The following ZBTB20 variants were observed in gnomAD, a reference collection of about 807,000 sequenced individuals.
ZBTB20 encodes zinc finger and BTB domain-containing protein 20.
A neutral mutation model predicts 56.9 loss-of-function variants in ZBTB20; 9 were observed. The ratio of observed to expected loss-of-function variants is 0.16; its 90% CI spans 0.10 to 0.28. The LOEUF (loss-of-function observed/expected upper bound fraction) is 0.28, where lower values mean the gene tolerates loss of function less well. ZBTB20 is among the 10% of genes least tolerant of loss of function. The pLI is 1.00. For missense variants in ZBTB20, 655 were observed against 1,003.0 expected (o/e 0.65, Z 4.69); for synonymous variants, 417 against 420.7 (o/e 0.99, Z 0.11).
intron 6 of ZBTB20, among the ~76,000 whole-genome samples, chr3:114,525,207 G>A (rs1461022386): frequency 6.6e-6 from 1 of 151,950 alleles, no homozygotes; most frequent in Non-Finnish European, 1.5e-5. Flanking sequence ...AATTTCATAA[G>A]GGGAAAAGTT....
At chr3:114,898,824 G>A (rs779008544) in intron 4 of ZBTB20, among the ~76,000 whole-genome samples, 2 of 152,012 alleles carry the variant, frequency 1.3e-5, no homozygotes, top group African/African-American at 4.8e-5. Flanking sequence ...AAATACCGAC[G>A]GAAACTCCTC....
chr3:114,843,385 T>C (rs1181584245), intron 4 of ZBTB20, among the ~76,000 whole-genome samples: 2 of 152,158 alleles, frequency 1.3e-5, no homozygotes, highest in Non-Finnish European at 2.9e-5. Flanking sequence ...GGACTCTAAG[T>C]TATATTATCT....
At chr3:114,852,395 C>T (rs529166400) in intron 4 of ZBTB20, among the ~76,000 whole-genome samples, 10 of 152,000 alleles carry the variant, frequency 6.6e-5, no homozygotes, top group Non-Finnish European at 1.5e-5. Context: ...TACCGAGTGG[C>T]TGGGATTACA....
intron 8 of ZBTB20, among the ~76,000 whole-genome samples, chr3:114,381,453 A>T (rs2084335057): frequency 6.6e-6 from 1 of 152,246 alleles, no homozygotes; most frequent in African/African-American, 2.4e-5. Context: ...TACTTAGCTT[A>T]TACTACACAG....
chr3:114,997,773 G>T (rs778806789), intron 2 of ZBTB20, among the ~76,000 whole-genome samples: 3 of 151,720 alleles, frequency 2.0e-5, no homozygotes, highest in African/African-American at 7.2e-5. Context: ...TTCATGAAAA[G>T]AGGATACCAC....
chr3:115,048,504 CATA>C (rs1342343872), intron 2 of ZBTB20, among the ~76,000 whole-genome samples: 24 of 152,082 alleles, frequency 1.6e-4, no homozygotes, highest in African/African-American at 5.8e-4. Context: ...TAATGATAAT[CATA>C]ATAATATCTC....
At chr3:114,893,880 G>A (rs2074744170) in intron 4 of ZBTB20, among the ~76,000 whole-genome samples, 3 of 152,150 alleles carry the variant, frequency 2.0e-5, no homozygotes, top group Non-Finnish European at 2.9e-5. Context: ...CTGTCCAAAA[G>A]CTTTATCAGG....
intron 3 of ZBTB20, among the ~76,000 whole-genome samples, chr3:114,911,525 G>GA (rs372395143): frequency 4.0e-5 from 6 of 151,814 alleles, no homozygotes; most frequent in Admixed American, 1.3e-4. Flanking sequence ...ATATAATTAG[G>GA]AAAATAATTC....
At chr3:114,912,590 T>C (rs941262074) in intron 3 of ZBTB20, among the ~76,000 whole-genome samples, 17 of 152,050 alleles carry the variant, frequency 1.1e-4, no homozygotes, top group African/African-American at 4.1e-4. Flanking sequence ...CAAGCATTTA[T>C]GCTTTGTGTT....
At chr3:115,051,429 T>C (rs2081543534) in intron 2 of ZBTB20, among the ~76,000 whole-genome samples, 1 of 152,032 alleles carries the variant, frequency 6.6e-6, no homozygotes, top group African/African-American at 2.4e-5. Flanking sequence ...ATATGATAGA[T>C]GGGTAGGAGT....
chr3:114,888,648 AT>A (rs1425546598), intron 4 of ZBTB20, among the ~76,000 whole-genome samples: 1 of 152,174 alleles, frequency 6.6e-6, no homozygotes, highest in Non-Finnish European at 1.5e-5. Context: ...AATCAATTTT[AT>A]TTTGGTCTAG....
chr3:114,556,595 G>C (rs2051251918), intron 6 of ZBTB20, among the ~76,000 whole-genome samples: 2 of 151,972 alleles, frequency 1.3e-5, no homozygotes, highest in South Asian at 4.1e-4. Context: ...TCCATATTAA[G>C]AAAATACACT....
chr3:114,731,766 A>ACCTAGATTAGTAACTAACCCGGCTGTG (rs2065769383), intron 5 of ZBTB20, among the ~76,000 whole-genome samples: 1 of 150,638 alleles, frequency 6.6e-6, no homozygotes, highest in African/African-American at 2.4e-5. Context: ...ACCCGGCTGT[A>ACCTAGATTAGTAACTAACCCGGCTGTG]CCTAGATTAG....
At chr3:114,577,735 T>C (rs147524881) in intron 6 of ZBTB20, among the ~76,000 whole-genome samples, 150 of 152,300 alleles carry the variant, frequency 9.8e-4, no homozygotes, top group African/African-American at 3.4e-3. Flanking sequence ...GGAAACAGCT[T>C]ATATAGGGCT....
chr3:114,769,760 A>G (rs1031144411), intron 5 of ZBTB20, among the ~76,000 whole-genome samples: 81 of 152,052 alleles, frequency 5.3e-4, no homozygotes, highest in African/African-American at 1.8e-3. Context: ...GTGCAAAGGC[A>G]TAGGAATGAT....
intron 5 of ZBTB20, among the ~76,000 whole-genome samples, chr3:114,726,960 G>T (rs1405686347): frequency 1.5e-5 from 2 of 136,884 alleles, no homozygotes; most frequent in African/African-American, 2.7e-5. Context: ...TAAGAGAAGA[G>T]TTGGATGAAG....
chr3:115,138,362 T>C (rs185641747), intron 1 of ZBTB20, among the ~76,000 whole-genome samples: 3 of 152,086 alleles, frequency 2.0e-5, no homozygotes, highest in African/African-American at 7.2e-5. Flanking sequence ...CTATCATCAT[T>C]TTTAATTCTA....
At position 114,728,508 on chromosome 3, in the gene ZBTB20, G is replaced by C. The variant is rs548116660; in HGVS notation, c.-342-34933C>G. Among the ~76,000 whole-genome samples the C allele has an allele frequency of 1.2e-4, 19 of 152,290 alleles. 2 individuals are homozygous for C. In the South Asian group the frequency reaches 3.9e-3, roughly 32 times the overall value. ...GTTAACTGCCCAAAGTAAAAAAATG[G>C]AAGAGCTAGAACTTGAATGCAGATA... On this transcript the variant is annotated intron_variant, in intron 5 of 11. Coordinates refer to ENST00000675478, the MANE Select transcript of ZBTB20 (RefSeq NM_001348800.3).
Position 114,380,371 on chromosome 3 carries a change from T to C in ZBTB20, c.45A>G (p.Ala15=), listed in dbSNP as rs774175459. 9 of 1,536,438 alleles carry C rather than the reference T, an allele frequency of 5.9e-6. 1 individual carries two copies. The South Asian group carries it at 9.5e-5, about 16-fold the overall frequency. Reference sequence around the variant, plus strand: ...GCTGAGTAATCTCATTCTCCTCAGATGCCTTCTGGTTTTCAGCTGTCTTGG... The same window carrying C: ...GCTGAGTAATCTCATTCTCCTCAGACGCCTTCTGGTTTTCAGCTGTCTTGG... ...KKPKTAENQK[A]SEENEITQPG... Residue 15 remains alanine (A), a synonymous_variant, in exon 10 of 12, where the codon GCA becomes GCG. Transcript: ENST00000675478.
Sources: allele counts gnomAD v4.1 joint callset (sites outside exome capture counted in the v4.1 genomes callset), GRCh38; gene constraint gnomAD v4.1.1; transcripts MANE v1.5; gene names NCBI Gene and HGNC (gene_info 2026-07-23, HGNC 2026-07-21).